UGT1A7: variants seen among roughly 807,000 people sequenced by gnomAD.
UGT1A7 encodes the protein UDP-glucuronosyltransferase 1A7.
In UGT1A7, 33 loss-of-function variants were observed where a neutral mutation model predicts 45.6. That is an observed-to-expected ratio of 0.72 (90% CI 0.55 to 0.97). The LOEUF is 0.97. UGT1A7 is among the 50% of genes least tolerant of loss of function. UGT1A7 has a pLI of 0.00. For missense variants in UGT1A7, 684 were observed against 666.2 expected (o/e 1.03, Z -0.29); for synonymous variants, 274 against 250.6 (o/e 1.09, Z -0.88).
At chr2:233,725,447 T>A (rs2077449709) in intron 1 of UGT1A7, among the ~76,000 whole-genome samples, 1 of 152,002 alleles carries the variant, frequency 6.6e-6, no homozygotes, top group Admixed American at 6.5e-5. Context: ...GCCACATACA[T>A]AATTTAAACT....
rs138794928 is a variant in UGT1A7, at chr2:233,747,227, C to T, written c.856-19807C>T. 1.0e-2 allele frequency: 16,041 copies of T among 1,605,006 alleles called. 99 individuals are homozygous for T. The highest frequency in any genetic ancestry group is 0.012 in the Non-Finnish European group (14,233 of 1,175,294). On this transcript the variant is annotated intron_variant, in intron 1 of 4. Transcript: ENST00000373426. ...TCTTCTGCTGAGATGGCCACAGGACCCCAGGTTCCCCTGCTGTGGCTGGCC... is the reference window on the plus strand; with the variant it reads ...TCTTCTGCTGAGATGGCCACAGGACTCCAGGTTCCCCTGCTGTGGCTGGCC...
At chr2:233,724,576 G>A (rs1380708117) in intron 1 of UGT1A7, among the ~76,000 whole-genome samples, 1 of 128,988 alleles carries the variant, frequency 7.8e-6, no homozygotes, top group South Asian at 3.2e-4. Flanking sequence ...GCGGGGCAGA[G>A]GCGCTCCCCA....
Position 233,740,507 on chromosome 2 carries a change from T to C in UGT1A7, c.856-26527T>C, listed in dbSNP as rs1011982264. ...CTTCCAGATGCTTTCCAGTGTGTGA[T>C]GTAAGCTGAACTAAAATCAGCTGTG... On this transcript the variant is annotated intron_variant, in intron 1 of 4. Coordinates refer to ENST00000373426, the MANE Select transcript of UGT1A7 (RefSeq NM_019077.3). Among the ~76,000 whole-genome samples the C allele has an allele frequency of 1.6e-4, 24 of 151,884 alleles. 2 individuals carry two copies. Among genetic ancestry groups the C allele is most frequent in the African/African-American group, 5.6e-4 (23 of 41,150 alleles).
intron 1 of UGT1A7, chr2:233,690,829 A>C: frequency 9.4e-7 from 1 of 1,068,596 alleles, no homozygotes; most frequent in Non-Finnish European, 1.1e-6. Context: ...AGCTCACAGG[A>C]GAAAGAAAAA....
At chr2:233,701,436 G>A (rs897816113) in intron 1 of UGT1A7, among the ~76,000 whole-genome samples, 72 of 152,132 alleles carry the variant, frequency 4.7e-4, no homozygotes, top group Non-Finnish European at 8.1e-4. Context: ...ACAGATCAAC[G>A]AGACAGAAAG....
At chr2:233,741,868 C>T (rs566953182) in intron 1 of UGT1A7, 3 of 152,000 alleles carry the variant, frequency 2.0e-5, no homozygotes, top group South Asian at 2.1e-4. Flanking sequence ...GCAAACCTTT[C>T]CTCAGAGGTG....
At chr2:233,754,555 A>G in intron 1 of UGT1A7, 1 of 389,272 alleles carries the variant, frequency 2.6e-6, no homozygotes, top group South Asian at 1.9e-5. Flanking sequence ...CTTGGTGTCA[A>G]TGGGGAGCAA....
chr2:233,718,753 G>T, intron 1 of UGT1A7: 5 of 1,612,362 alleles, frequency 3.1e-6, no homozygotes, highest in Non-Finnish European at 4.2e-6. Flanking sequence ...AGGTAATTAA[G>T]GCGAAGGAAA....
chr2:233,706,284 C>T (rs1160416352), intron 1 of UGT1A7, among the ~76,000 whole-genome samples: 2 of 152,062 alleles, frequency 1.3e-5, no homozygotes, highest in East Asian at 1.9e-4. Flanking sequence ...AGGGGTGGGG[C>T]CCAGTGCCAG....
chr2:233,761,267 C>T, intron 1 of UGT1A7: 1 of 1,593,550 alleles, frequency 6.3e-7, no homozygotes, highest in South Asian at 1.1e-5. Flanking sequence ...TTTAAAATGC[C>T]CTCTTTTGTT....
intron 1 of UGT1A7, among the ~76,000 whole-genome samples, chr2:233,723,516 C>CTTT (rs1162916866): frequency 1.9e-4 from 16 of 85,394 alleles, no homozygotes; most frequent in African/African-American, 7.3e-4. Context: ...GGTCAACAAT[C>CTTT]TTTTTTTTTT....
At chr2:233,743,161 G>A in intron 1 of UGT1A7, 1 of 361,140 alleles carries the variant, frequency 2.8e-6, no homozygotes, top group South Asian at 2.1e-5. Flanking sequence ...TCCTCCAGAT[G>A]TGCTTAAAGT....
intron 1 of UGT1A7, among the ~76,000 whole-genome samples, chr2:233,714,532 T>A (rs1427036802): frequency 1.3e-5 from 2 of 152,206 alleles, no homozygotes; most frequent in African/African-American, 4.8e-5. Flanking sequence ...CTTCATGGTC[T>A]AATACCGAAG....
chr2:233,764,444 A>G (rs1698561692), intron 1 of UGT1A7, among the ~76,000 whole-genome samples: 2 of 152,188 alleles, frequency 1.3e-5, no homozygotes, highest in African/African-American at 4.8e-5. Context: ...CTTTTGTGCC[A>G]TTTAAACTTT....
intron 1 of UGT1A7, chr2:233,754,765 T>C (rs1277866100): frequency 2.0e-6 from 2 of 992,196 alleles, no homozygotes; most frequent in African/African-American, 1.7e-5. Context: ...AGGCCCCCAC[T>C]TCCCAGGGAG....
chr2:233,725,139 A>G lies in UGT1A7; in HGVS notation c.856-41895A>G, dbSNP rs1329392712. ...TGCAGTGAGCCGAGATGGCAGCAGTACAGTCCAGCTTCGGCTCTGCATGAG... is the reference window on the plus strand; with the variant it reads ...TGCAGTGAGCCGAGATGGCAGCAGTGCAGTCCAGCTTCGGCTCTGCATGAG... On this transcript the variant is annotated intron_variant, in intron 1 of 4. Transcript: ENST00000373426. Among the ~76,000 whole-genome samples, 4 of 132,800 alleles carry G rather than the reference A, an allele frequency of 3.0e-5. 1 individual carries two copies. The highest frequency in any genetic ancestry group is 6.3e-5 in the Non-Finnish European group (4 of 63,650). The allele number at this position is 132,800 out of a possible 152,430, so 87.1% of individuals were successfully genotyped here. A position where few individuals can be genotyped will look rare whatever the true frequency, so the allele number is the denominator to read the frequency against.
chr2:233,756,919 A>G (rs1444597051), intron 1 of UGT1A7, among the ~76,000 whole-genome samples: 2 of 152,130 alleles, frequency 1.3e-5, no homozygotes. Flanking sequence ...CTGAGTTTAT[A>G]TAACCTCTAG....
At chr2:233,771,398 A>G (rs1700304180) in intron 4 of UGT1A7, 1 of 152,164 alleles carries the variant, frequency 6.6e-6, no homozygotes, top group Non-Finnish European at 1.5e-5. Context: ...TGATTGGGCA[A>G]TGAACACTGT....
chr2:233,730,374 G>C (rs986236610), intron 1 of UGT1A7, among the ~76,000 whole-genome samples: 2 of 152,170 alleles, frequency 1.3e-5, no homozygotes, highest in African/African-American at 4.8e-5. Flanking sequence ...ATGATTTTCA[G>C]GGGAAAGATG....
Sources: gnomAD v4.1 joint callset for allele counts (sites outside exome capture counted in the v4.1 genomes callset) on GRCh38, gnomAD v4.1.1 for gene constraint, MANE v1.5 for transcripts, NCBI Gene and HGNC (gene_info 2026-07-23, HGNC 2026-07-21) for gene names.